The following C10orf67 variants were observed in gnomAD, a reference collection of about 807,000 sequenced individuals.
C10orf67 encodes uncharacterized protein C10orf67, mitochondrial.
A neutral mutation model predicts 35.6 loss-of-function variants in C10orf67; 60 were observed. That is an observed-to-expected ratio of 1.68 (90% CI 1.37 to 2.09). C10orf67 has a LOEUF of 2.09. Among genes scored for constraint, C10orf67 ranks in the 30% most tolerant of loss-of-function variants. The pLI is 0.00. For missense variants in C10orf67, 474 were observed against 330.2 expected (o/e 1.44, Z -3.38); for synonymous variants, 167 against 115.8 (o/e 1.44, Z -2.84).
At chr10:23,280,376 G>C (rs1843333578) in intron 8 of C10orf67, among the ~76,000 whole-genome samples, 1 of 152,158 alleles carries the variant, frequency 6.6e-6, no homozygotes, top group African/African-American at 2.4e-5. Context: ...CTGGGTCCTG[G>C]AAAAACGCAG....
At position 23,249,131 on chromosome 10, in the gene C10orf67, C is replaced by CAA. The variant is rs57702096; in HGVS notation, c.1346+1322_1346+1323dup. Among the ~76,000 whole-genome samples the CAA allele has an allele frequency of 5.6e-3, 121 of 21,548 alleles. 9 individuals are homozygous for CAA. The highest frequency in any genetic ancestry group is 0.011 in the African/African-American group (85 of 7,802). The allele number at this position is 21,548 out of a possible 152,430, so 14.1% of individuals were successfully genotyped here. ...GGCAACAAGAGCAAAAACTCCCTCTCAAAAAAAAAAAAAAAAAAAAAAAAA... is the reference window on the plus strand; with the variant it reads ...GGCAACAAGAGCAAAAACTCCCTCTCAAAAAAAAAAAAAAAAAAAAAAAAAAA... On this transcript the variant is annotated intron_variant, in intron 12 of 15. Transcript: ENST00000636213.
intron 8 of C10orf67, among the ~76,000 whole-genome samples, chr10:23,275,172 G>T (rs1287819604): frequency 6.6e-6 from 1 of 152,028 alleles, no homozygotes; most frequent in African/African-American, 2.4e-5. Context: ...TCTTTCAGGG[G>T]TACTTCCTAT....
At chr10:23,318,994 C>T in intron 4 of C10orf67, 3 of 717,658 alleles carry the variant, frequency 4.2e-6, no homozygotes, top group Non-Finnish European at 7.8e-6. Context: ...CATGAGAACC[C>T]TTTTTTTTCT....
chr10:23,257,200 T>C (rs769124940), intron 10 of C10orf67, among the ~76,000 whole-genome samples: 1 of 152,108 alleles, frequency 6.6e-6, no homozygotes, highest in Non-Finnish European at 1.5e-5. Flanking sequence ...CAACTTCAGA[T>C]ACAAGGCGAG....
Position 23,344,606 on chromosome 10 carries a change from G to C in C10orf67, c.169C>G (p.Arg57Gly), listed in dbSNP as rs769674759. ...VCCARRKREA[R>G]EFKPPQMRGS... ...CGCATTTGCGGGGGCTTGAATTCCC[G>C]AGCTTCTCGCTTCCTACGCGCGCAG... Residue 57 changes from arginine to glycine, a missense_variant, in exon 1 of 16, where the codon CGG becomes GGG. By Grantham distance (125) the Arg-to-Gly change is moderately radical. Transcript: ENST00000636213. 1 of 1,582,292 alleles carries C rather than the reference G, an allele frequency of 6.3e-7. No homozygotes were observed. Among genetic ancestry groups the C allele is most frequent in the Non-Finnish European group, 8.6e-7 (1 of 1,165,104 alleles).
At chr10:23,330,569 T>C (rs1845407292) in intron 2 of C10orf67, among the ~76,000 whole-genome samples, 1 of 151,920 alleles carries the variant, frequency 6.6e-6, no homozygotes, top group African/African-American at 2.4e-5. Flanking sequence ...TGAAACCCTG[T>C]CTCTACTAAA....
At chr10:23,331,252 G>A (rs1420936687) in intron 2 of C10orf67, among the ~76,000 whole-genome samples, 8 of 15,606 alleles carry the variant, frequency 5.1e-4, no homozygotes, top group Admixed American at 9.8e-4. Context: ...GGGAAGGGAA[G>A]AGGGAAGGGA....
intron 7 of C10orf67, among the ~76,000 whole-genome samples, chr10:23,282,503 C>T (rs952944211): frequency 1.3e-5 from 2 of 152,142 alleles, no homozygotes; most frequent in Admixed American, 6.6e-5. Flanking sequence ...TGGCTCACAC[C>T]TGTAATCCCA....
At chr10:23,243,806 A>G (rs967645922) in intron 12 of C10orf67, among the ~76,000 whole-genome samples, 1 of 152,230 alleles carries the variant, frequency 6.6e-6, no homozygotes, top group African/African-American at 2.4e-5. Flanking sequence ...GATTAAAATT[A>G]TTCAGAGTAA....
Position 23,338,573 on chromosome 10 carries a change from T to A in C10orf67, c.207-5391A>T, listed in dbSNP as rs532914434. ...CATCTTATCCATCATCACGGTATTCTCACAGCACCACTTCCCATCAAGGAA... is the reference window on the plus strand; with the variant it reads ...CATCTTATCCATCATCACGGTATTCACACAGCACCACTTCCCATCAAGGAA... On this transcript the variant is annotated intron_variant, in intron 1 of 15. Transcript: ENST00000636213. Among the ~76,000 whole-genome samples, 14 of 152,280 alleles carry A rather than the reference T, an allele frequency of 9.2e-5. No individual in the cohort carries two copies. The South Asian group carries it at 2.9e-3, about 32-fold the overall frequency.
chr10:23,326,041 A>G (rs531990188), intron 2 of C10orf67, among the ~76,000 whole-genome samples: 65 of 152,290 alleles, frequency 4.3e-4, no homozygotes, highest in Non-Finnish European at 6.9e-4. Context: ...GACAGAGTTT[A>G]GGGACTTGTG....
intron 12 of C10orf67, among the ~76,000 whole-genome samples, chr10:23,250,048 A>T (rs1049365706): frequency 6.6e-6 from 1 of 152,172 alleles, no homozygotes. Flanking sequence ...AGGTTGAGGA[A>T]CTGGAGCTGT....
intron 1 of C10orf67, among the ~76,000 whole-genome samples, chr10:23,339,402 CAAAAAAAA>C (rs34805547): frequency 1.4e-5 from 1 of 72,332 alleles, no homozygotes. Context: ...AAAAAGGCAG[CAAAAAAAA>C]AAAAAAAAAA....
intron 13 of C10orf67, among the ~76,000 whole-genome samples, chr10:23,230,043 T>C (rs1346743380): frequency 6.6e-6 from 1 of 152,112 alleles, no homozygotes; most frequent in Non-Finnish European, 1.5e-5. Context: ...CCAATAAAGC[T>C]GGGGCACTCT....
intron 4 of C10orf67, among the ~76,000 whole-genome samples, chr10:23,307,505 T>C (rs530147700): frequency 2.0e-5 from 3 of 152,018 alleles, no homozygotes; most frequent in Non-Finnish European, 4.4e-5. Context: ...AAAAAATGAA[T>C]GTACAGTAGA....
At chr10:23,300,728 C>G (rs1034584423) in intron 5 of C10orf67, among the ~76,000 whole-genome samples, 2 of 152,118 alleles carry the variant, frequency 1.3e-5, no homozygotes, top group Non-Finnish European at 2.9e-5. Flanking sequence ...CGCAAGTTAG[C>G]AAATGTCTGC....
intron 4 of C10orf67, among the ~76,000 whole-genome samples, chr10:23,319,775 C>A (rs1844870586): frequency 1.3e-5 from 2 of 152,200 alleles, no homozygotes; most frequent in Non-Finnish European, 2.9e-5. Context: ...CAAAATCTCA[C>A]AGCCAACTCA....
chr10:23,303,285 T>A lies in C10orf67; in HGVS notation c.702+19A>T. ...ATTTATGTATATTAAAATTAATTAT[T>A]CCTTGCCTTGAAACTTACCATTTTG... On this transcript the variant is annotated intron_variant, in intron 5 of 15. Coordinates refer to ENST00000636213, the MANE Select transcript of C10orf67 (RefSeq NM_001371909.1). 2.0e-6 allele frequency: 1 copy of A among 512,586 alleles called. No individual in the cohort carries two copies. 31.8% of individuals were successfully genotyped at this position (512,586 alleles called of 1,614,324 possible).
At chr10:23,300,480 C>T (rs996303761) in intron 5 of C10orf67, among the ~76,000 whole-genome samples, 1 of 152,140 alleles carries the variant, frequency 6.6e-6, no homozygotes, top group Non-Finnish European at 1.5e-5. Flanking sequence ...TTCTCCGGGC[C>T]TAAGGTGGAC....
Sources: gnomAD v4.1 joint callset for allele counts (sites outside exome capture counted in the v4.1 genomes callset) on GRCh38, gnomAD v4.1.1 for gene constraint, MANE v1.5 for transcripts, NCBI Gene and HGNC (gene_info 2026-07-23, HGNC 2026-07-21) for gene names.